The following GNG4 variants were observed in gnomAD, a reference collection of about 807,000 sequenced individuals.
GNG4 encodes the protein guanine nucleotide-binding protein G(I)/G(S)/G(O) subunit gamma-4.
In GNG4, 4 loss-of-function variants were observed where a neutral mutation model predicts 5.8. The ratio of observed to expected loss-of-function variants is 0.69; its 90% CI spans 0.34 to 1.57. The LOEUF (loss-of-function observed/expected upper bound fraction) is 1.57, where lower values mean the gene tolerates loss of function less well. Ranked by LOEUF, GNG4 falls within the 40% of genes most tolerant of loss-of-function variation. The pLI, the probability that GNG4 is intolerant of heterozygous loss-of-function variation, is 0.06. For synonymous variants in GNG4, 29 were observed against 32.9 expected (o/e 0.88, Z 0.41); for missense variants, 96 against 95.1 (o/e 1.01, Z -0.04).
intron 1 of GNG4, chr1:235,615,810 C>T (rs184185764): frequency 1.2e-3 from 320 of 263,538 alleles, no homozygotes; most frequent in Non-Finnish European, 2.2e-3. Context: ...CTCAGCACTG[C>T]CACAGTGAAC....
chr1:235,609,235 T>C (rs1441462713), intron 1 of GNG4, among the ~76,000 whole-genome samples: 1 of 152,200 alleles, frequency 6.6e-6, no homozygotes, highest in African/African-American at 2.4e-5. Flanking sequence ...ATGATGCAGG[T>C]GCACCACATT....
chr1:235,586,191 A>G (rs1403109573), intron 2 of GNG4, among the ~76,000 whole-genome samples: 1 of 152,242 alleles, frequency 6.6e-6, no homozygotes, highest in Non-Finnish European at 1.5e-5. Context: ...CTTTAACTCA[A>G]CAACAAGGGA....
intron 1 of GNG4, among the ~76,000 whole-genome samples, chr1:235,611,042 A>G (rs1439400370): frequency 2.0e-5 from 3 of 152,228 alleles, no homozygotes; most frequent in Admixed American, 6.5e-5. Context: ...GAGCTGAAAT[A>G]GTGCCACTGC....
intron 1 of GNG4, among the ~76,000 whole-genome samples, chr1:235,622,402 C>G (rs759095928): frequency 6.6e-6 from 1 of 152,164 alleles, no homozygotes; most frequent in South Asian, 2.1e-4. Flanking sequence ...GAGGCTGGAA[C>G]TTTTGTGGTT....
chr1:235,581,874 C>T (rs373313807), intron 3 of GNG4, among the ~76,000 whole-genome samples: 1 of 152,176 alleles, frequency 6.6e-6, no homozygotes, highest in Admixed American at 6.5e-5. Context: ...ACACCCGGTC[C>T]TCACAGGGGC....
chr1:235,564,174 C>T (rs1419249994), intron 3 of GNG4, among the ~76,000 whole-genome samples: 1 of 152,016 alleles, frequency 6.6e-6, no homozygotes, highest in Non-Finnish European at 1.5e-5. Flanking sequence ...GAACAGAAAA[C>T]CAAATGCCAC....
intron 1 of GNG4, among the ~76,000 whole-genome samples, chr1:235,638,241 A>G (rs1264839279): frequency 2.0e-5 from 3 of 152,210 alleles, no homozygotes; most frequent in African/African-American, 7.2e-5. Flanking sequence ...TCCCTTCAAA[A>G]TAGAGGAATG....
At chr1:235,565,593 A>C (rs1687173773) in intron 3 of GNG4, among the ~76,000 whole-genome samples, 1 of 152,216 alleles carries the variant, frequency 6.6e-6, no homozygotes. Flanking sequence ...AATAAAGAAC[A>C]ACCACAATGG....
At chr1:235,594,998 G>A (rs1688090276) in intron 2 of GNG4, among the ~76,000 whole-genome samples, 1 of 152,188 alleles carries the variant, frequency 6.6e-6, no homozygotes, top group African/African-American at 2.4e-5. Context: ...CGAGTGGGGA[G>A]GAAGTGAGTG....
intron 1 of GNG4, among the ~76,000 whole-genome samples, chr1:235,603,037 GT>G (rs1284218037): frequency 6.6e-6 from 1 of 152,088 alleles, no homozygotes; most frequent in Admixed American, 6.6e-5. Context: ...GAAGTCAGGA[GT>G]TCCAGATCAG....
intron 2 of GNG4, among the ~76,000 whole-genome samples, chr1:235,585,354 C>T (rs970868336): frequency 1.8e-4 from 28 of 152,200 alleles, no homozygotes; most frequent in African/African-American, 6.0e-4. Flanking sequence ...ATCCTCCTGC[C>T]TCAGCCTCCT....
intron 1 of GNG4, among the ~76,000 whole-genome samples, chr1:235,619,133 TAAAAAAAAAAA>T (rs71496930): frequency 2.0e-5 from 1 of 49,044 alleles, no homozygotes; most frequent in Non-Finnish European, 3.6e-5. Flanking sequence ...ACGCTGTCTC[TAAAAAAAAAAA>T]AAAAAAAAAA....
At chr1:235,571,460 C>T (rs912792384) in intron 3 of GNG4, among the ~76,000 whole-genome samples, 12 of 152,174 alleles carry the variant, frequency 7.9e-5, no homozygotes, top group Admixed American at 2.0e-4. Context: ...TTCAGAACAA[C>T]GCGTATTAAG....
chr1:235,606,224 T>C (rs553713187), intron 1 of GNG4, among the ~76,000 whole-genome samples: 1 of 151,886 alleles, frequency 6.6e-6, no homozygotes, highest in Admixed American at 6.5e-5. Context: ...TATTAAAAAA[T>C]ACAAAAAATT....
chr1:235,567,829 T>A (rs1272659529), intron 3 of GNG4, among the ~76,000 whole-genome samples: 1 of 152,176 alleles, frequency 6.6e-6, no homozygotes, highest in Non-Finnish European at 1.5e-5. Flanking sequence ...TATTCATAGG[T>A]GATACATGGA....
At chr1:235,629,187 A>T (rs975110338) in intron 1 of GNG4, among the ~76,000 whole-genome samples, 2 of 139,388 alleles carry the variant, frequency 1.4e-5, no homozygotes, top group Non-Finnish European at 3.0e-5. Flanking sequence ...CCCGCCAATT[A>T]AAAAAAAAAT....
chr1:235,585,258 T>C (rs1347975004), intron 2 of GNG4, among the ~76,000 whole-genome samples: 1 of 151,978 alleles, frequency 6.6e-6, no homozygotes, highest in Non-Finnish European at 1.5e-5. Flanking sequence ...CCTTCCTTCT[T>C]TTTGAGATAG....
rs1179247934 is a variant in GNG4 at position 235,649,164 on chromosome 1, G to A, written c.-123+498C>T. On this transcript the variant is annotated intron_variant, in intron 1 of 3. Transcript: ENST00000391854. This position sits in a 1 kb window ranked among gnomAD's most constrained non-coding sequence, Gnocchi z 5.7. ...GCGTCACCCCGAGTGCTCCCGAGGC[G>A]GCGTCTGGGCTGCTGGGGAGCCAGG... Among the ~76,000 whole-genome samples, 1 of 152,172 alleles carries A rather than the reference G, an allele frequency of 6.6e-6. No homozygotes were observed. Among genetic ancestry groups the A allele is most frequent in the East Asian group, 1.9e-4 (1 of 5,178 alleles).
chr1:235,575,643 GTTCCTTGGCCAGTT>G (rs1276803608), intron 3 of GNG4, among the ~76,000 whole-genome samples: 16 of 152,244 alleles, frequency 1.1e-4, no homozygotes, highest in Non-Finnish European at 7.3e-5. Context: ...TGGGCAGAAT[GTTCCTTGGCCAGTT>G]TTCCTTGGCC....
Sources: gnomAD v4.1 joint callset for allele counts (sites outside exome capture counted in the v4.1 genomes callset) on GRCh38, gnomAD v4.1.1 for gene constraint, Gnocchi (gnomAD v3.1) non-coding constraint, MANE v1.5 for transcripts, NCBI Gene and HGNC (gene_info 2026-07-23, HGNC 2026-07-21) for gene names.